GABRB3: variants seen among roughly 807,000 people sequenced by gnomAD.
The protein encoded by GABRB3 is gamma-aminobutyric acid type A receptor subunit beta3.
Under a neutral mutation model 52.1 loss-of-function variants are expected in GABRB3, and 14 were observed. The ratio of observed to expected loss-of-function variants is 0.27; its 90% CI spans 0.18 to 0.42. GABRB3 has a LOEUF of 0.42. Among genes scored for constraint, GABRB3 ranks in the 10% least tolerant of loss-of-function variants. GABRB3 has a pLI of 1.00. For synonymous variants in GABRB3, 260 were observed against 232.3 expected, an observed-to-expected ratio of 1.12 and a Z score of -1.08; for missense variants, 307 against 609.1, an observed-to-expected ratio of 0.50 and a Z score of 5.22.
At chr15:26,566,012 T>A (rs150221365) in intron 7 of GABRB3, among the ~76,000 whole-genome samples, 1 of 152,154 alleles carries the variant, frequency 6.6e-6, no homozygotes. Context: ...ATTTTCCAAG[T>A]GAAAAAAGAG....
intron 4 of GABRB3, among the ~76,000 whole-genome samples, chr15:26,608,547 C>T (rs1891928601): frequency 6.6e-6 from 1 of 151,954 alleles, no homozygotes; most frequent in African/African-American, 2.4e-5. Flanking sequence ...GCAATCCATC[C>T]ATTAAGGGGT....
intron 4 of GABRB3, among the ~76,000 whole-genome samples, chr15:26,586,165 A>AT (rs1170217615): frequency 1.3e-5 from 2 of 151,428 alleles, no homozygotes; most frequent in African/African-American, 2.4e-5. Context: ...CGCCCAGCTA[A>AT]TTTTTTTGCA....
chr15:26,746,043 T>C (rs1175845677), intron 3 of GABRB3, among the ~76,000 whole-genome samples: 20 of 152,222 alleles, frequency 1.3e-4, no homozygotes, highest in Admixed American at 1.3e-3. Context: ...CCAGAGTGGC[T>C]GTATGATTTT....
intron 3 of GABRB3, among the ~76,000 whole-genome samples, chr15:26,641,709 G>A (rs1566787807): frequency 6.6e-6 from 1 of 152,148 alleles, no homozygotes; most frequent in Non-Finnish European, 1.5e-5. Context: ...ATGGCCAGAT[G>A]CCCCTTGGCT....
At position 26,547,915 on chromosome 15, in the gene GABRB3, G is replaced by A; in HGVS notation, c.1300C>T (p.Gln434Ter). ...AGATCAGGTATTTTAATTTTGAGCT[G>A]TGAAGACCTCCTCCGTAGATGGGTC... ...KKTHLRRRSS[Q>*]LKIKIPDLTD... Residue 434 changes from glutamine (Q) to a stop codon, truncating the protein, a stop_gained, in exon 9 of 9, where the codon CAG (glutamine) becomes TAG (stop). Transcript: ENST00000311550. LOFTEE classifies it high-confidence loss of function. 1 of 1,614,156 alleles carries A rather than the reference G, an allele frequency of 6.2e-7. No homozygotes were observed. Among genetic ancestry groups the A allele is most frequent in the Non-Finnish European group, 8.5e-7 (1 of 1,180,008 alleles).
chr15:26,645,130 C>T (rs1200516982), intron 3 of GABRB3, among the ~76,000 whole-genome samples: 1 of 152,054 alleles, frequency 6.6e-6, no homozygotes, highest in East Asian at 1.9e-4. Context: ...GTAGTCCCAG[C>T]GTTCTAGAGG....
chr15:26,716,597 G>A, intron 3 of GABRB3: 1 of 991,558 alleles, frequency 1.0e-6, no homozygotes, highest in East Asian at 1.1e-4. Context: ...ATCAACTTGT[G>A]AATCCCACTT....
At chr15:26,765,716 A>C (rs935653351) in intron 3 of GABRB3, among the ~76,000 whole-genome samples, 1 of 152,240 alleles carries the variant, frequency 6.6e-6, no homozygotes, top group Non-Finnish European at 1.5e-5. Context: ...TGGAGAAGAA[A>C]GACTAAGCAA....
At chr15:26,719,035 C>T (rs933990391) in intron 3 of GABRB3, among the ~76,000 whole-genome samples, 6 of 152,256 alleles carry the variant, frequency 3.9e-5, no homozygotes, top group Non-Finnish European at 4.4e-5. Flanking sequence ...TGGTCCCCAC[C>T]GCCACCTGGC....
In GABRB3 at chr15:26,570,407, G is replaced by A. The variant is rs149451335; in HGVS notation, c.683-2674C>T. Among the ~76,000 whole-genome samples the A allele has an allele frequency of 4.6e-4, 70 of 152,276 alleles. No homozygotes were observed. In the East Asian group the frequency reaches 0.012, roughly 25 times the overall value. On this transcript the variant is annotated intron_variant, in intron 6 of 8. Coordinates refer to ENST00000311550, the MANE Select transcript of GABRB3 (RefSeq NM_000814.6). ...TGCACGGGGGCCAGACCCTCCTCGC[G>A]GGCCTCGCCCTCCTGGCTCTGGGCC...
At chr15:26,731,818 G>A (rs1889922491) in intron 3 of GABRB3, among the ~76,000 whole-genome samples, 1 of 152,178 alleles carries the variant, frequency 6.6e-6, no homozygotes, top group Non-Finnish European at 1.5e-5. Flanking sequence ...TTTTTAAAAA[G>A]ATAACAAAAC....
At chr15:26,567,440 T>C in intron 7 of GABRB3, 141 bp downstream of exon 7, 1 of 765,686 alleles carries the variant, frequency 1.3e-6, no homozygotes, top group Non-Finnish European at 2.2e-6. Flanking sequence ...AATTAGTGTT[T>C]CAAGATAAAA....
intron 3 of GABRB3, among the ~76,000 whole-genome samples, chr15:26,659,419 G>A (rs1314600410): frequency 3.9e-5 from 6 of 152,126 alleles, no homozygotes; most frequent in Non-Finnish European, 1.5e-5. Context: ...CTACTTGGGA[G>A]GCTGAGGCAG....
intron 3 of GABRB3, among the ~76,000 whole-genome samples, chr15:26,635,010 A>ATATAATATAT (rs10676156): frequency 1.3e-5 from 1 of 74,882 alleles, no homozygotes; most frequent in South Asian, 5.2e-4. Flanking sequence ...ATATATATAT[A>ATATAATATAT]ATATATATAT....
intron 3 of GABRB3, among the ~76,000 whole-genome samples, chr15:26,655,944 T>C (rs368873324): frequency 6.6e-6 from 1 of 152,118 alleles, no homozygotes; most frequent in South Asian, 2.1e-4. Context: ...GAGGGTTGGA[T>C]TTATTCTTAT....
intron 7 of GABRB3, among the ~76,000 whole-genome samples, chr15:26,561,980 T>G (rs546464517): frequency 1.6e-4 from 25 of 152,344 alleles, no homozygotes; most frequent in African/African-American, 6.0e-4. Context: ...ATTCTTTACA[T>G]AGTATTGTAT....
chr15:26,606,908 G>A (rs1891858569), intron 4 of GABRB3, among the ~76,000 whole-genome samples: 1 of 150,552 alleles, frequency 6.6e-6, no homozygotes, highest in South Asian at 2.1e-4. Context: ...AGTCCTTCTG[G>A]ATGAACTGTA....
At chr15:26,745,673 C>T (rs1319084710) in intron 3 of GABRB3, among the ~76,000 whole-genome samples, 1 of 152,186 alleles carries the variant, frequency 6.6e-6, no homozygotes, top group East Asian at 1.9e-4. Context: ...ACTAATGTGT[C>T]CTCTTTCTCT....
At chr15:26,674,468 G>GAAAAGAA (rs1202087889) in intron 3 of GABRB3, among the ~76,000 whole-genome samples, 1 of 83,926 alleles carries the variant, frequency 1.2e-5, no homozygotes, top group Non-Finnish European at 2.5e-5. Context: ...AAAAGAAAAA[G>GAAAAGAA]AAAGAAAGAA....
Sources: allele counts gnomAD v4.1 joint callset (sites outside exome capture counted in the v4.1 genomes callset), GRCh38; gene constraint gnomAD v4.1.1; transcripts MANE v1.5; gene names NCBI Gene and HGNC (gene_info 2026-07-23, HGNC 2026-07-21).